The following DNAI7 variants were observed in gnomAD, a reference collection of about 807,000 sequenced individuals.
The protein encoded by DNAI7 is dynein axonemal intermediate chain 7.
In DNAI7, 78 loss-of-function variants were observed where a neutral mutation model predicts 86.6. The observed-to-expected ratio is 0.90, with a 90% CI of 0.75 to 1.09. The LOEUF is 1.09. DNAI7 is among the 50% of genes least tolerant of loss of function. DNAI7 has a pLI of 0.00. For synonymous variants in DNAI7, 274 were observed against 273.0 expected (o/e 1.00, Z -0.04); for missense variants, 753 against 810.2 (o/e 0.93, Z 0.86).
chr12:25,190,652 G>T, intron 1 of DNAI7, 21 bp from the exon 2 acceptor site: 2 of 1,378,478 alleles, frequency 1.5e-6, no homozygotes, highest in Non-Finnish European at 2.0e-6. Flanking sequence ...GAAAACAAAA[G>T]AATTGATCAA....
intron 7 of DNAI7, 130 bp downstream of exon 7, chr12:25,149,498 G>A (rs1465832160): frequency 3.2e-6 from 2 of 621,162 alleles, no homozygotes; most frequent in East Asian, 3.1e-5. Flanking sequence ...ATAAATATAT[G>A]TACTCTAAAT....
At position 25,108,733 on chromosome 12, in the gene DNAI7, T is replaced by TG. The variant is rs771466667; in HGVS notation, c.1983dup (p.Lys662GlnfsTer5). The stretch of plus-strand genomic sequence containing the variant: ...TCAGAAAATGCCTCACTCTCTTCCT[T>TG]GATCTTCAGTCTTTGTGCTCTGTCA... On this transcript the variant is annotated frameshift_variant, in exon 16 of 16. Transcript: ENST00000395987. LOFTEE classifies it low-confidence loss of function (END_TRUNC). 1 of 1,611,654 alleles carries TG rather than the reference T, an allele frequency of 6.2e-7. No homozygotes were observed. The highest frequency in any genetic ancestry group is 1.1e-5 in the South Asian group (1 of 91,006).
intron 2 of DNAI7, among the ~76,000 whole-genome samples, chr12:25,171,791 T>C (rs372297377): frequency 6.6e-6 from 1 of 152,206 alleles, no homozygotes; most frequent in Non-Finnish European, 1.5e-5. Flanking sequence ...CTGGGTTTCA[T>C]ACCAGGGATG....
At chr12:25,119,500 A>T (rs945205821) in intron 11 of DNAI7, among the ~76,000 whole-genome samples, 199 bp from the exon 12 acceptor site, 2 of 152,216 alleles carry the variant, frequency 1.3e-5, no homozygotes, top group African/African-American at 4.8e-5. Context: ...GAATGTACAG[A>T]ACTTCCTATG....
In DNAI7 at chr12:25,174,698, G is replaced by GATATACATATGGAATATAT. The variant is rs1565813706; in HGVS notation, c.22-13502_22-13501insATATATTCCATATGTATAT. Among the ~76,000 whole-genome samples the GATATACATATGGAATATAT allele has an allele frequency of 1.9e-4, 15 of 79,386 alleles. 1 individual carries two copies. The highest frequency in any genetic ancestry group is 7.4e-4 in the African/African-American group (14 of 18,846). 52.1% of individuals were successfully genotyped at this position (79,386 alleles called of 152,430 possible). A position where few individuals can be genotyped will look rare whatever the true frequency, so the allele number is the denominator to read the frequency against. ...ATATATCATATATATATGGAATATA[G>GATATACATATGGAATATAT]ATATCATACATATGGAATATATATA... On this transcript the variant is annotated intron_variant, in intron 2 of 15. Coordinates refer to ENST00000395987, the MANE Select transcript of DNAI7 (RefSeq NM_018272.5).
chr12:25,165,789 G>A (rs1016299977), intron 2 of DNAI7, among the ~76,000 whole-genome samples: 4 of 152,180 alleles, frequency 2.6e-5, no homozygotes, highest in Admixed American at 2.0e-4. Context: ...AACCGTTGGA[G>A]GTATTGACGG....
intron 2 of DNAI7, among the ~76,000 whole-genome samples, chr12:25,178,931 TCTC>T (rs1949243700): frequency 6.6e-6 from 1 of 152,082 alleles, no homozygotes; most frequent in African/African-American, 2.4e-5. Context: ...TTTCCTTCCT[TCTC>T]CTTTGGGTTT....
intron 9 of DNAI7, among the ~76,000 whole-genome samples, chr12:25,129,825 T>C (rs1942660235): frequency 6.6e-6 from 1 of 151,950 alleles, no homozygotes; most frequent in Admixed American, 6.6e-5. Context: ...TGTAATGGCA[T>C]GATCTCAGCT....
At chr12:25,109,829 C>T (rs1949653074) in intron 15 of DNAI7, among the ~76,000 whole-genome samples, 1 of 151,986 alleles carries the variant, frequency 6.6e-6, no homozygotes, top group Admixed American at 6.6e-5. Context: ...CAGGCATGCG[C>T]CACCACACTT....
intron 2 of DNAI7, among the ~76,000 whole-genome samples, chr12:25,172,728 C>T (rs1251183443): frequency 6.6e-6 from 1 of 152,080 alleles, no homozygotes. Context: ...GTCACCAAAA[C>T]AGTGTGGTAC....
Position 25,174,744 on chromosome 12 carries a change from T to C in DNAI7, c.22-13547A>G, listed in dbSNP as rs932627333. ...ATATATCATATATATATGGAATATA[T>C]ATATCATATATATATATGATGGAAT... On this transcript the variant is annotated intron_variant, in intron 2 of 15. Coordinates refer to ENST00000395987, the MANE Select transcript of DNAI7 (RefSeq NM_018272.5). Among the ~76,000 whole-genome samples the C allele has an allele frequency of 2.1e-5, 3 of 144,886 alleles. 1 individual carries two copies. The highest frequency in any genetic ancestry group is 4.5e-5 in the Non-Finnish European group (3 of 66,756).
At chr12:25,142,792 T>C (rs1253952688) in intron 9 of DNAI7, among the ~76,000 whole-genome samples, 1 of 152,204 alleles carries the variant, frequency 6.6e-6, no homozygotes, top group Non-Finnish European at 1.5e-5. Context: ...ATTGAAACAA[T>C]GTTAAGTCCA....
chr12:25,118,422 C>T (rs1246144012), intron 12 of DNAI7, among the ~76,000 whole-genome samples: 1 of 151,924 alleles, frequency 6.6e-6, no homozygotes, highest in East Asian at 1.9e-4. Flanking sequence ...TGCCACCACG[C>T]CCCGCTCATT....
At chr12:25,127,779 A>G (rs1232039873) in intron 9 of DNAI7, among the ~76,000 whole-genome samples, 1 of 152,216 alleles carries the variant, frequency 6.6e-6, no homozygotes, top group East Asian at 1.9e-4. Flanking sequence ...ATTTGATATA[A>G]AAACATAACC....
chr12:25,111,088 T>A (rs546726271), intron 14 of DNAI7, among the ~76,000 whole-genome samples: 1 of 152,276 alleles, frequency 6.6e-6, no homozygotes, highest in Admixed American at 6.5e-5. Flanking sequence ...TATATTGTCA[T>A]TTTCTGATAC....
At chr12:25,117,116 T>C (rs1023908567) in intron 12 of DNAI7, among the ~76,000 whole-genome samples, 1 of 151,902 alleles carries the variant, frequency 6.6e-6, no homozygotes, top group Non-Finnish European at 1.5e-5. Context: ...GTACTTTTTG[T>C]GGAGATGGTG....
intron 11 of DNAI7, among the ~76,000 whole-genome samples, chr12:25,120,799 G>A (rs750330015): frequency 1.3e-5 from 2 of 152,206 alleles, no homozygotes; most frequent in Non-Finnish European, 2.9e-5. Flanking sequence ...TAAAACAGGG[G>A]TGAGAAACTC....
chr12:25,157,104 G>A lies in DNAI7; in HGVS notation c.198+1368C>T, dbSNP rs548951028. ...GTGATTGAGACCACGGTGAAAGCCC[G>A]TCTCTACTAAAAATACAAAAAACAT... On this transcript the variant is annotated intron_variant, in intron 4 of 15. Transcript: ENST00000395987. Among the ~76,000 whole-genome samples the A allele has an allele frequency of 8.8e-4, 133 of 151,872 alleles. 1 individual carries two copies. The highest frequency in any genetic ancestry group is 2.9e-3 in the African/African-American group (122 of 41,384).
intron 9 of DNAI7, among the ~76,000 whole-genome samples, chr12:25,138,781 G>A (rs1375042179): frequency 7.4e-6 from 1 of 134,494 alleles, no homozygotes; most frequent in Non-Finnish European, 1.6e-5. Flanking sequence ...AAAATCTGAA[G>A]ACACACCTCA....
Sources: allele counts gnomAD v4.1 joint callset (sites outside exome capture counted in the v4.1 genomes callset), GRCh38; gene constraint gnomAD v4.1.1; transcripts MANE v1.5; gene names NCBI Gene and HGNC (gene_info 2026-07-23, HGNC 2026-07-21).